The following SLC5A10 variants were observed in gnomAD, a reference collection of about 807,000 sequenced individuals.
SLC5A10 encodes the protein solute carrier family 5 member 10.
A neutral mutation model predicts 68.9 loss-of-function variants in SLC5A10; 55 were observed. The ratio of observed to expected loss-of-function variants is 0.80; its 90% confidence interval spans 0.64 to 1.00. SLC5A10 has a LOEUF of 1.00. SLC5A10 is among the 50% of genes least tolerant of loss of function. The pLI is 0.00. For missense variants in SLC5A10, 732 were observed against 819.3 expected (o/e 0.89, Z 1.30); for synonymous variants, 344 against 344.8 (o/e 1.00, Z 0.02).
intron 5 of SLC5A10, among the ~76,000 whole-genome samples, chr17:18,962,057 A>G (rs970156230): frequency 1.7e-4 from 25 of 150,822 alleles, no homozygotes; most frequent in African/African-American, 6.1e-4. Context: ...TTCCACTCAT[A>G]CTCTTCCTTC....
Position 19,019,867 on chromosome 17 carries a change from C to T in SLC5A10, c.1565C>T (p.Ala522Val), listed in dbSNP as rs12604020. The change falls in exon 13 of 15, where the codon GCA (alanine) becomes GTA (valine). Residue 522 changes from alanine (A) to valine (V), a missense_variant. Transcript: ENST00000395645. ...HYLHFAVALF[A>V]LSGAVVVAGS... Reference sequence around the variant, plus strand: ...CTGCACTTCGCTGTCGCCCTCTTTGCACTCAGTGGTGCTGTTGTGGTGGCT... The same window carrying T: ...CTGCACTTCGCTGTCGCCCTCTTTGTACTCAGTGGTGCTGTTGTGGTGGCT... 0.044 allele frequency: 70,718 copies of T among 1,612,858 alleles called. 4,286 individuals are homozygous for T. Among genetic ancestry groups the T allele is most frequent in the African/African-American group, 0.26 (19,498 of 74,958 alleles).
intron 5 of SLC5A10, among the ~76,000 whole-genome samples, chr17:18,967,870 G>A (rs992728129): frequency 1.5e-5 from 2 of 136,278 alleles, no homozygotes; most frequent in South Asian, 2.4e-4. Context: ...GGCAGATCCC[G>A]CCCCCACCCC....
chr17:19,007,069 G>C (rs553695879), intron 9 of SLC5A10, among the ~76,000 whole-genome samples: 14 of 152,312 alleles, frequency 9.2e-5, no homozygotes, highest in African/African-American at 3.4e-4. Flanking sequence ...CCTGGGTCCT[G>C]GTAGTTGCAT....
rs2044112205 is a variant in SLC5A10 at position 19,015,197 on chromosome 17, A to ACGGTACGGGGATGGGGGC, written c.1241+8_1241+9insATGGGGGCCGGTACGGGG. The ACGGTACGGGGATGGGGGC allele has an allele frequency of 1.1e-6, 1 of 907,518 alleles. No individual in the cohort carries two copies. Among genetic ancestry groups the ACGGTACGGGGATGGGGGC allele is most frequent in the South Asian group, 1.5e-5 (1 of 68,472 alleles). The allele number at this position is 907,518 out of a possible 1,614,324, so 56.2% of individuals were successfully genotyped here. On this transcript the variant is annotated inframe_insertion and splice_region_variant, in exon 11 of 15. Transcript: ENST00000395645. Reference sequence around the variant, plus strand: ...GCGAGCGGGAGCTCCTGCTGGTGGGACGGTACGGGGGTGGGGGCCAGTACG... The same window carrying ACGGTACGGGGATGGGGGC: ...GCGAGCGGGAGCTCCTGCTGGTGGGACGGTACGGGGATGGGGGCCGGTACGGGGGTGGGGGCCAGTACG...
intron 9 of SLC5A10, chr17:18,988,256 C>T: frequency 6.2e-7 from 1 of 1,609,590 alleles, no homozygotes; most frequent in Non-Finnish European, 8.5e-7. Context: ...CCTTGAGGTG[C>T]CCCAGGTGCA....
At chr17:18,959,079 G>A (rs2042561524) in intron 2 of SLC5A10, 56 bp from the exon 3 acceptor site, 3 of 1,543,284 alleles carry the variant, frequency 1.9e-6, no homozygotes, top group African/African-American at 2.7e-5. Flanking sequence ...ATTAGGCCCA[G>A]GATGGGGCCG....
chr17:18,975,324 C>T (rs540478027), intron 8 of SLC5A10, among the ~76,000 whole-genome samples: 2 of 152,274 alleles, frequency 1.3e-5, no homozygotes, highest in South Asian at 2.1e-4. Flanking sequence ...TTAATGTTTC[C>T]GTGACATCCA....
At position 19,019,910 on chromosome 17, in the gene SLC5A10, A is replaced by C. The variant is rs1313899630; in HGVS notation, c.1608A>C (p.Pro536=). 7.5e-6 allele frequency: 12 copies of C among 1,606,692 alleles called. No individual in the cohort carries two copies. Among genetic ancestry groups the C allele is most frequent in the Admixed American group, 1.7e-5 (1 of 59,406 alleles). ...AVVVAGSLLT[P]PPQSVQIENL... ...TGGTGGCTGGAAGCCTGCTGACCCCACCCCCACAGAGTGTCCAGGTGAGCC... is the reference window on the plus strand; with the variant it reads ...TGGTGGCTGGAAGCCTGCTGACCCCCCCCCCACAGAGTGTCCAGGTGAGCC... Residue 536 remains proline (P), a synonymous_variant, in exon 13 of 15, where the codon CCA becomes CCC. Coordinates refer to ENST00000395645, the MANE Select transcript of SLC5A10 (RefSeq NM_001042450.4).
intron 9 of SLC5A10, chr17:18,978,457 C>T (rs2152009683): frequency 6.2e-7 from 1 of 1,607,996 alleles, no homozygotes; most frequent in Non-Finnish European, 8.5e-7. Context: ...TGTTGGCCCT[C>T]TCCAGGTGAA....
intron 1 of SLC5A10, 110 bp from the exon 2 acceptor site, chr17:18,958,572 T>C (rs2042548563): frequency 1.2e-6 from 1 of 824,538 alleles, no homozygotes; most frequent in Non-Finnish European, 2.0e-6. Context: ...TTCTGGGTCA[T>C]ATGGTGATTC....
Position 19,005,495 on chromosome 17 carries a change from C to T in SLC5A10, c.983-7915C>T, listed in dbSNP as rs548515219. Reference sequence around the variant, plus strand: ...ATCTGGCCCAACAAACAGCCCCCACCCCATCGCGTGCCGCAGCCAGTCTGC... The same window carrying T: ...ATCTGGCCCAACAAACAGCCCCCACTCCATCGCGTGCCGCAGCCAGTCTGC... On this transcript the variant is annotated intron_variant, in intron 9 of 14. Coordinates refer to ENST00000395645, the MANE Select transcript of SLC5A10 (RefSeq NM_001042450.4). Among the ~76,000 whole-genome samples, 5 of 152,288 alleles carry T rather than the reference C, an allele frequency of 3.3e-5. No homozygotes were observed. The South Asian group carries it at 8.3e-4, about 25-fold the overall frequency.
chr17:18,955,635 C>T (rs1285881887), intron 1 of SLC5A10, among the ~76,000 whole-genome samples: 2 of 152,268 alleles, frequency 1.3e-5, no homozygotes, highest in African/African-American at 4.8e-5. Flanking sequence ...GTGCAGTGCA[C>T]AGCGTACACA....
chr17:18,990,801 C>A (rs1400894012), intron 9 of SLC5A10, among the ~76,000 whole-genome samples: 1 of 320 alleles, frequency 3.1e-3, no homozygotes, highest in African/African-American at 0.01. Flanking sequence ...GAGCCTGGTG[C>A]TCCCCCAGGC....
intron 5 of SLC5A10, among the ~76,000 whole-genome samples, chr17:18,961,671 G>A (rs1567778878): frequency 6.6e-6 from 1 of 152,200 alleles, no homozygotes; most frequent in Non-Finnish European, 1.5e-5. Flanking sequence ...GAGAGGTAGA[G>A]GCCTCGCTGG....
rs1172524680 is a variant in SLC5A10 at position 19,004,140 on chromosome 17, G to A, written c.983-9270G>A. ...GCACCGCGCGCTCGGGGGCCTCTCCGCGGCCTCTGCTTCTCTGCCCATGAG... is the reference window on the plus strand; with the variant it reads ...GCACCGCGCGCTCGGGGGCCTCTCCACGGCCTCTGCTTCTCTGCCCATGAG... On this transcript the variant is annotated intron_variant, in intron 9 of 14. Transcript: ENST00000395645. The surrounding 1 kb of genome is among the most constrained non-coding windows in gnomAD (Gnocchi z 5.4). 8.3e-7 allele frequency: 1 copy of A among 1,200,050 alleles called. No individual in the cohort carries two copies. The highest frequency in any genetic ancestry group is 2.5e-5 in the Admixed American group (1 of 39,516). The allele number at this position is 1,200,050 out of a possible 1,614,324, so 74.3% of individuals were successfully genotyped here. A position where few individuals can be genotyped will look rare whatever the true frequency, so the allele number is the denominator to read the frequency against.
chr17:18,998,393 C>T (rs1387525097), intron 9 of SLC5A10, among the ~76,000 whole-genome samples: 1 of 152,246 alleles, frequency 6.6e-6, no homozygotes, highest in Non-Finnish European at 1.5e-5. Flanking sequence ...GGGGCCAGGA[C>T]CCTCAGCTGC....
intron 1 of SLC5A10, among the ~76,000 whole-genome samples, chr17:18,956,966 T>C (rs1414876962): frequency 1.3e-5 from 2 of 151,954 alleles, no homozygotes; most frequent in South Asian, 2.1e-4. Flanking sequence ...CTGGCCAACA[T>C]AGTGAAACCC....
rs1216906903 is a variant in SLC5A10 at position 19,006,432 on chromosome 17, CCTCA to C, written c.983-6975_983-6972del. Among the ~76,000 whole-genome samples, 4 of 144,020 alleles carry C rather than the reference CCTCA, an allele frequency of 2.8e-5. No homozygotes were observed. In the Admixed American group the frequency reaches 2.9e-4, roughly 10 times the overall value. The allele number at this position is 144,020 out of a possible 152,430, so 94.5% of individuals were successfully genotyped here. A position where few individuals can be genotyped will look rare whatever the true frequency, so the allele number is the denominator to read the frequency against. On this transcript the variant is annotated intron_variant, in intron 9 of 14. Transcript: ENST00000395645. Reference sequence around the variant, plus strand: ...TTTTTTTTTTTTTGTAGAGACAAGGCCTCACTATGTTGCTCAGACTGGTCTCAAA... The same window carrying C: ...TTTTTTTTTTTTTGTAGAGACAAGGCCTATGTTGCTCAGACTGGTCTCAAA...
chr17:19,015,490 A>C (rs2044121032), intron 11 of SLC5A10, among the ~76,000 whole-genome samples: 1 of 152,098 alleles, frequency 6.6e-6, no homozygotes. Context: ...TATCTCCCCG[A>C]AAACCTGGGC....
Sources: allele counts gnomAD v4.1 joint callset (sites outside exome capture counted in the v4.1 genomes callset), GRCh38; gene constraint gnomAD v4.1.1; non-coding constraint Gnocchi (gnomAD v3.1); transcripts MANE v1.5; gene names NCBI Gene and HGNC (gene_info 2026-07-23, HGNC 2026-07-21).